Variants in KDM2B observed in about 807,000 individuals in gnomAD.
KDM2B encodes lysine-specific demethylase 2B.
Under a neutral mutation model 150.0 loss-of-function variants are expected in KDM2B, and 26 were observed. The ratio of observed to expected loss-of-function variants is 0.17; its 90% confidence interval spans 0.13 to 0.24. The LOEUF is 0.24. Among genes scored for constraint, KDM2B ranks in the 10% least tolerant of loss-of-function variants. The pLI, the probability that KDM2B is intolerant of heterozygous loss-of-function variation, is 1.00. For synonymous variants in KDM2B, 734 were observed against 729.5 expected, an observed-to-expected ratio of 1.01 and a Z score of -0.10; for missense variants, 1,265 against 1,816.9, an observed-to-expected ratio of 0.70 and a Z score of 5.52.
At chr12:121,558,455 C>CTTTTT (rs62698361) in intron 4 of KDM2B, among the ~76,000 whole-genome samples, 1 of 135,526 alleles carries the variant, frequency 7.4e-6, no homozygotes, top group Non-Finnish European at 1.6e-5. Flanking sequence ...TTTTCTTTTT[C>CTTTTT]TTTTTTTTTT....
chr12:121,414,628 A>C, the KDM2B span, among the ~76,000 whole-genome samples: 1 of 152,322 alleles, frequency 6.6e-6, no homozygotes, highest in East Asian at 1.9e-4. Flanking sequence ...AATTATGTTT[A>C]GTATCTTCAG....
chr12:121,461,682 G>A lies in KDM2B; in HGVS notation c.1735-8338C>T, dbSNP rs782567678. On this transcript the variant is annotated intron_variant, in intron 12 of 22. Transcript: ENST00000377071. Reference sequence around the variant, plus strand: ...GAAACAAGGACTGCTGTGGGCATGCGGAATCCAAGGGGCCCATGGGACAGC... The same window carrying A: ...GAAACAAGGACTGCTGTGGGCATGCAGAATCCAAGGGGCCCATGGGACAGC... Among the ~76,000 whole-genome samples, 3 of 152,266 alleles carry A rather than the reference G, an allele frequency of 2.0e-5. No homozygotes were observed. In the South Asian group the frequency reaches 6.2e-4, roughly 32 times the overall value.
the KDM2B span, chr12:121,416,034 G>C: frequency 1.4e-6 from 1 of 699,202 alleles, no homozygotes; most frequent in East Asian, 2.6e-5. Context: ...TCAGTGCCCA[G>C]AGGAATATAG....
intron 22 of KDM2B, among the ~76,000 whole-genome samples, chr12:121,432,734 T>C (rs1425125599): frequency 6.6e-6 from 1 of 152,236 alleles, no homozygotes; most frequent in African/African-American, 2.4e-5. Context: ...CTATCTGCCT[T>C]CCAGAGCACT....
At chr12:121,440,511 GAGATGC>G in intron 21 of KDM2B, 1 of 406,484 alleles carries the variant, frequency 2.5e-6, no homozygotes, top group Non-Finnish European at 4.5e-6. Context: ...GAAAAGAAGT[GAGATGC>G]ACGCAGAGCC....
chr12:121,556,178 G>A (rs893466138), intron 4 of KDM2B, among the ~76,000 whole-genome samples: 1 of 152,030 alleles, frequency 6.6e-6, no homozygotes, highest in Non-Finnish European at 1.5e-5. Flanking sequence ...GCCCTCCTCA[G>A]CCTCCCAAAA....
rs376125599 is a variant in KDM2B at position 121,443,682 on chromosome 12, G to C, written c.2563C>G (p.Gln855Glu). Reference sequence around the variant, plus strand: ...GAGGGCGTGCGTCGTGGGAGCACCTGCTGCTGGAAGTAAGTGAGACTGGAT... The same window carrying C: ...GAGGGCGTGCGTCGTGGGAGCACCTCCTGCTGGAAGTAAGTGAGACTGGAT... The part of the protein sequence containing the change: ...WRSSLTYFQQ[Q>E]LKPGKEDKLF... The change falls in exon 17 of 23, where the codon CAG becomes GAG. Residue 855 changes from glutamine to glutamate, a missense_variant and splice_region_variant. By Grantham distance (29) the Gln-to-Glu change is conservative. Coordinates refer to ENST00000377071, the MANE Select transcript of KDM2B (RefSeq NM_032590.5). 1 of 1,603,808 alleles carries C rather than the reference G, an allele frequency of 6.2e-7. No individual in the cohort carries two copies. The highest frequency in any genetic ancestry group is 8.5e-7 in the Non-Finnish European group (1 of 1,173,510).
intron 6 of KDM2B, chr12:121,536,222 G>GGCC (rs1463983701): frequency 2.8e-6 from 1 of 359,984 alleles, no homozygotes; most frequent in East Asian, 1.7e-4. Flanking sequence ...GGTGGACCGG[G>GGCC]GGCTCAGCAG....
In KDM2B at chr12:121,503,880, G is replaced by A. The variant is rs1435284513; in HGVS notation, c.1647+5687C>T. Reference sequence around the variant, plus strand: ...AATGGCCATAAGAGTCCCAGAATCTGGTCCCCAGAAGGACAAAGCACATCC... The same window carrying A: ...AATGGCCATAAGAGTCCCAGAATCTAGTCCCCAGAAGGACAAAGCACATCC... On this transcript the variant is annotated intron_variant, in intron 11 of 22. Transcript: ENST00000377071. 3.3e-5 allele frequency among the ~76,000 whole-genome samples: 5 copies of A among 152,218 alleles called. 1 individual carries two copies. The highest frequency in any genetic ancestry group is 3.3e-4 in the Admixed American group (5 of 15,276).
intron 11 of KDM2B, among the ~76,000 whole-genome samples, chr12:121,496,348 A>C (rs1170240451): frequency 3.9e-5 from 6 of 152,214 alleles, no homozygotes; most frequent in Admixed American, 2.6e-4. Flanking sequence ...ATTTAAGAAC[A>C]GAGTAAATCA....
chr12:121,417,588 T>C, the KDM2B span: 1 of 1,614,196 alleles, frequency 6.2e-7, no homozygotes, highest in Non-Finnish European at 8.5e-7. This position sits in a 1 kb window ranked among gnomAD's most constrained non-coding sequence, Gnocchi z 5.0. Flanking sequence ...TACTTGTCAC[T>C]TATTACAAGA....
chr12:121,443,612 T>TG, intron 17 of KDM2B, 68 bp downstream of exon 17: 1 of 870,760 alleles, frequency 1.1e-6, no homozygotes, highest in Non-Finnish European at 1.9e-6. Context: ...ACCAGCGGGG[T>TG]GGGGTGGGGG....
rs933750442 is a variant in KDM2B at position 121,579,882 on chromosome 12, A to G, written c.126+904T>C. The G allele has an allele frequency of 2.0e-5, 28 of 1,434,094 alleles. 1 individual carries two copies. The Admixed American group carries it at 6.5e-4, about 34-fold the overall frequency. The allele number at this position is 1,434,094 out of a possible 1,614,324, so 88.8% of individuals were successfully genotyped here. A position where few individuals can be genotyped will look rare whatever the true frequency, so the allele number is the denominator to read the frequency against. On this transcript the variant is annotated intron_variant, in intron 1 of 22. Coordinates refer to ENST00000377071, the MANE Select transcript of KDM2B (RefSeq NM_032590.5). Reference sequence around the variant, plus strand: ...CTTCCTTTTGCATGCAATTTATTATATTTTTTTCCCGGTCCTCTTGCAAAA... The same window carrying G: ...CTTCCTTTTGCATGCAATTTATTATGTTTTTTTCCCGGTCCTCTTGCAAAA...
chr12:121,544,378 A>G (rs1555310273), intron 6 of KDM2B, among the ~76,000 whole-genome samples: 1 of 152,180 alleles, frequency 6.6e-6, no homozygotes, highest in Non-Finnish European at 1.5e-5. Flanking sequence ...TGGGAAGCCA[A>G]GGCAGGTGAT....
chr12:121,415,361 T>C, the KDM2B span: 124,117 of 337,610 alleles, frequency 0.37, 24,229 homozygotes, highest in East Asian at 0.45. Flanking sequence ...TGGCTCACAC[T>C]TGTAATCTGA....
chr12:121,565,643 G>C (rs1555314721), intron 4 of KDM2B, among the ~76,000 whole-genome samples: 2 of 149,548 alleles, frequency 1.3e-5, no homozygotes, highest in African/African-American at 2.5e-5. Flanking sequence ...TCTTTTTTCT[G>C]AGATGGAGTC....
At chr12:121,417,061 T>C in the KDM2B span, among the ~76,000 whole-genome samples, 1 of 152,256 alleles carries the variant, frequency 6.6e-6, no homozygotes, top group Admixed American at 6.5e-5. The surrounding 1 kb of genome is among the most constrained non-coding windows in gnomAD (Gnocchi z 5.0). Context: ...CTGTATTTTC[T>C]TGGATTCACC....
chr12:121,420,809 GTAT>G, the KDM2B span: 1 of 1,551,712 alleles, frequency 6.4e-7, no homozygotes, highest in Non-Finnish European at 8.9e-7. Context: ...TTTCCCTGTA[GTAT>G]TTTTCCTTAG....
chr12:121,454,236 C>A (rs1555292329), intron 12 of KDM2B, among the ~76,000 whole-genome samples: 1 of 152,190 alleles, frequency 6.6e-6, no homozygotes, highest in African/African-American at 2.4e-5. Flanking sequence ...TGCACCACTG[C>A]ACCTCTCTAC....
Sources: gnomAD v4.1 joint callset for allele counts (sites outside exome capture counted in the v4.1 genomes callset) on GRCh38, gnomAD v4.1.1 for gene constraint, Gnocchi (gnomAD v3.1) non-coding constraint, MANE v1.5 for transcripts, NCBI Gene and HGNC (gene_info 2026-07-23, HGNC 2026-07-21) for gene names.